DDX5: variants seen among roughly 807,000 people sequenced by gnomAD.
The protein encoded by DDX5 is DEAD-box helicase 5.
Under a neutral mutation model 68.6 loss-of-function variants are expected in DDX5, and 6 were observed. That is an observed-to-expected ratio of 0.09 (90% CI 0.05 to 0.17). The LOEUF (loss-of-function observed/expected upper bound fraction) is 0.17, where lower values mean the gene tolerates loss of function less well. DDX5 is among the 10% of genes least tolerant of loss of function. The probability of loss-of-function intolerance (pLI) is 1.00; values close to 1 mark genes in which losing one functional copy is unlikely to be tolerated. For synonymous variants in DDX5, 350 were observed against 247.0 expected (o/e 1.42, Z -3.91); for missense variants, 499 against 756.1 (o/e 0.66, Z 3.99).
chr17:64,504,430 A>G lies in DDX5; in HGVS notation c.211-112T>C, dbSNP rs1423035678. 3 of 1,039,290 alleles carry G rather than the reference A, an allele frequency of 2.9e-6. No individual in the cohort carries two copies. The Admixed American group carries it at 6.8e-5, about 24-fold the overall frequency. 64.4% of individuals were successfully genotyped at this position (1,039,290 alleles called of 1,614,324 possible). A position where few individuals can be genotyped will look rare whatever the true frequency, so the allele number is the denominator to read the frequency against. On this transcript the variant is annotated intron_variant, in intron 2 of 12. Transcript: ENST00000225792. Reference sequence around the variant, plus strand: ...TAGTAACTAGTTTAAAGTAGCCTTCATTTTAATCTGGACCCACCTATGAAC... The same window carrying G: ...TAGTAACTAGTTTAAAGTAGCCTTCGTTTTAATCTGGACCCACCTATGAAC...
At chr17:64,504,645 A>G (rs2038380291) in intron 2 of DDX5, 32 bp downstream of exon 2, 2 of 1,579,306 alleles carry the variant, frequency 1.3e-6, no homozygotes, top group Admixed American at 2.0e-5. Flanking sequence ...CGATCGAGTT[A>G]CAGCCTGATG....
chr17:64,504,765 A>G lies in DDX5; in HGVS notation c.122T>C (p.Leu41Ser), dbSNP rs1555671812. 1 of 1,614,086 alleles carries G rather than the reference A, an allele frequency of 6.2e-7. No individual in the cohort carries two copies. The highest frequency in any genetic ancestry group is 1.7e-5 in the Admixed American group (1 of 60,010). ...ATCAAGATTCCACTTCTTTTTAACT[A>G]ATTTCTCCCCAGGGTTTCCAAACTT... is the stretch of plus-strand genomic sequence containing the variant. ...GKKFGNPGEK[L>S]VKKKWNLDEL... The change falls in exon 2 of 13, where the codon TTA becomes TCA. Residue 41 changes from leucine to serine, a missense_variant. Physicochemically the swap from Leu to Ser is moderately radical, Grantham distance 145 (BLOSUM62 -2). This residue lies in a region of DDX5 where 140 missense variants were observed against 135.7 expected (regional missense o/e 1.03). Transcript: ENST00000225792.
chr17:64,505,372 G>C, intron 1 of DDX5: 1 of 445,226 alleles, frequency 2.2e-6, no homozygotes, highest in Non-Finnish European at 4.1e-6. Flanking sequence ...CGCCGCGGTA[G>C]AGCTCCGGAT....
intron 9 of DDX5, 35 bp downstream of exon 9, chr17:64,502,404 A>T: frequency 6.5e-7 from 1 of 1,543,652 alleles, no homozygotes; most frequent in Non-Finnish European, 9.0e-7. Context: ...AAGCTGTTTT[A>T]ATCAATCTGC....
At chr17:64,501,940 A>T in intron 11 of DDX5, 70 bp downstream of exon 11, 1 of 1,485,092 alleles carries the variant, frequency 6.7e-7, no homozygotes, top group Non-Finnish European at 9.3e-7. Context: ...AGAAAGCAAT[A>T]AACTTTCTTT....
At chr17:64,501,856 G>T in intron 11 of DDX5, 154 bp downstream of exon 11, 1 of 707,400 alleles carries the variant, frequency 1.4e-6, no homozygotes, top group Non-Finnish European at 2.4e-6. Flanking sequence ...CGAGTCCTCC[G>T]ATTGTCATGC....
At position 64,502,566 on chromosome 17, in the gene DDX5, GAA is replaced by G. The variant is rs149936634; in HGVS notation, c.984-19_984-18del. On this transcript the variant is annotated intron_variant, in intron 8 of 12. Coordinates refer to ENST00000225792, the MANE Select transcript of DDX5 (RefSeq NM_004396.5). ...CGAATAAGTCTAATAATAGGAGAGA[GAA>G]AGGAAAAATCCTGAGTTTTAAAAGA... 535 of 1,567,384 alleles carry G rather than the reference GAA, an allele frequency of 3.4e-4. 3 individuals carry two copies. The African/African-American group carries it at 6.5e-3, about 19-fold the overall frequency.
At chr17:64,506,400 C>T, upstream of DDX5, 1 of 1,398,432 alleles carries the variant, frequency 7.2e-7, no homozygotes, top group Non-Finnish European at 9.3e-7. Flanking sequence ...GCATAGGCCG[C>T]AACGCCCGCT....
intron 9 of DDX5, 72 bp downstream of exon 9, chr17:64,502,367 G>T: frequency 6.9e-7 from 1 of 1,443,704 alleles, no homozygotes; most frequent in Non-Finnish European, 9.7e-7. Flanking sequence ...AAAATCCACT[G>T]CTCGTGATCC....
chr17:64,502,240 GT>G lies in DDX5; in HGVS notation c.1095-18del. 6.2e-7 allele frequency: 1 copy of G among 1,613,438 alleles called. No homozygotes were observed. Among genetic ancestry groups the G allele is most frequent in the Non-Finnish European group, 8.5e-7 (1 of 1,179,794 alleles). ...GCAGGCCACCTAAGTTAAAAGACAA[GT>G]TGTGTTATTAAACTCACATTGAAAA... On this transcript the variant is annotated intron_variant, in intron 9 of 12. Coordinates refer to ENST00000225792, the MANE Select transcript of DDX5 (RefSeq NM_004396.5).
At position 64,498,475 on chromosome 17, in the gene DDX5, G is replaced by A. The variant is rs1598142153; in HGVS notation, c.*1448C>T. Among the ~76,000 whole-genome samples the A allele has an allele frequency of 6.6e-6, 1 of 152,280 alleles. No homozygotes were observed. The highest frequency in any genetic ancestry group is 2.1e-4 in the South Asian group (1 of 4,822). ...CAACCTACCCTCTCCCCCGAAAGCT[G>A]CTTCTAAGTTTAAAACCATGAATTT... is the stretch of plus-strand genomic sequence containing the variant. On this transcript the variant is annotated 3_prime_UTR_variant, in exon 13 of 13. Coordinates refer to ENST00000225792, the MANE Select transcript of DDX5 (RefSeq NM_004396.5).
In DDX5 at chr17:64,505,969, G is replaced by A. The variant is rs1183261826; in HGVS notation, c.44+107C>T. ...CTTCGGGAAAGGAAGTCCCAAGATA[G>A]CCCGGAAAGGCCAAGTCCAAGCCGC... On this transcript the variant is annotated intron_variant, in intron 1 of 12. Coordinates refer to ENST00000225792, the MANE Select transcript of DDX5 (RefSeq NM_004396.5). The A allele has an allele frequency of 5.2e-6, 8 of 1,540,038 alleles. No individual in the cohort carries two copies. The African/African-American group carries it at 6.9e-5, about 13-fold the overall frequency.
At chr17:64,501,282 T>A (rs1434187702) in intron 11 of DDX5, 5 of 162,258 alleles carry the variant, frequency 3.1e-5, no homozygotes, top group African/African-American at 1.2e-4. Flanking sequence ...AAGTTGTTTT[T>A]ATGCACTGTG....
chr17:64,500,032 C>T lies in DDX5; in HGVS notation c.1736G>A (p.Ser579Asn). 2 of 1,614,222 alleles carry T rather than the reference C, an allele frequency of 1.2e-6. No individual in the cohort carries two copies. Among genetic ancestry groups the T allele is most frequent in the African/African-American group, 1.3e-5 (1 of 75,058 alleles). Residue 579 changes from serine to asparagine, a missense_variant, in exon 13 of 13, where the codon AGT becomes AAT. Coordinates refer to ENST00000225792, the MANE Select transcript of DDX5 (RefSeq NM_004396.5). ...ACCATTGTGCATATTTGGAACATTA[C>T]TTCCGTATTGCTGAGTGCTATCATA... ...NGYDSTQQYGSNVPNMHNGMN... is the reference protein window; with the variant it reads ...NGYDSTQQYGNNVPNMHNGMN...
chr17:64,503,632 ATTATAC>A, intron 5 of DDX5, 61 bp from the exon 6 acceptor site: 1 of 1,595,698 alleles, frequency 6.3e-7, no homozygotes, highest in South Asian at 1.1e-5. Flanking sequence ...CTGCTAACTT[ATTATAC>A]TAGCAGATCC....
intron 8 of DDX5, 126 bp downstream of exon 8, chr17:64,502,800 A>C (rs1424403758): frequency 1.5e-5 from 15 of 989,566 alleles, no homozygotes; most frequent in Non-Finnish European, 2.0e-5. Context: ...AATTTTCAGG[A>C]TTAGTAGGCT....
rs954462513 is a variant in DDX5, at chr17:64,498,502, A to G, written c.*1421T>C. ...TTCTAAGTTTAAAACCATGAATTTG[A>G]CTAACCATGCCATTGAAAACCATCC... On this transcript the variant is annotated 3_prime_UTR_variant, in exon 13 of 13. Transcript: ENST00000225792. Among the ~76,000 whole-genome samples the G allele has an allele frequency of 2.0e-5, 3 of 152,232 alleles. No individual in the cohort carries two copies.
intron 1 of DDX5, chr17:64,505,634 A>G: frequency 3.4e-6 from 4 of 1,160,992 alleles, no homozygotes; most frequent in Non-Finnish European, 5.0e-6. Context: ...ACTCAGCCAC[A>G]TGGCTGATGC....
rs1041816182 is a variant in DDX5 at position 64,504,913 on chromosome 17, C to T, written c.45-71G>A. On this transcript the variant is annotated intron_variant, in intron 1 of 12. Transcript: ENST00000225792. ...CAGGTTTCTGTATAGATTTGTCATCCATTGGCACAAGCTAAAAACCACTGA... is the reference window on the plus strand; with the variant it reads ...CAGGTTTCTGTATAGATTTGTCATCTATTGGCACAAGCTAAAAACCACTGA... 5 of 1,466,774 alleles carry T rather than the reference C, an allele frequency of 3.4e-6. No individual in the cohort carries two copies. In the African/African-American group the frequency reaches 7.1e-5, roughly 21 times the overall value. The allele number at this position is 1,466,774 out of a possible 1,614,324, so 90.9% of individuals were successfully genotyped here. A position where few individuals can be genotyped will look rare whatever the true frequency, so the allele number is the denominator to read the frequency against.
Sources: gnomAD v4.1 joint callset for allele counts (sites outside exome capture counted in the v4.1 genomes callset) on GRCh38, gnomAD v4.1.1 for gene constraint, gnomAD v4.1.1 regional missense constraint, MANE v1.5 for transcripts, NCBI Gene and HGNC (gene_info 2026-07-23, HGNC 2026-07-21) for gene names.